The following NELL2 variants were observed in gnomAD, a reference collection of about 807,000 sequenced individuals.
The protein encoded by NELL2 is neural EGFL like 2.
A neutral mutation model predicts 109.6 loss-of-function variants in NELL2; 41 were observed. The observed-to-expected ratio is 0.37, with a 90% CI of 0.29 to 0.49. NELL2 has a LOEUF of 0.49. Among genes scored for constraint, NELL2 ranks in the 20% least tolerant of loss-of-function variants. The probability of loss-of-function intolerance (pLI) is 0.98; values close to 1 mark genes in which losing one functional copy is unlikely to be tolerated. For synonymous variants in NELL2, 355 were observed against 344.7 expected (o/e 1.03, Z -0.33); for missense variants, 900 against 1,008.3 (o/e 0.89, Z 1.45).
intron 13 of NELL2, among the ~76,000 whole-genome samples, chr12:44,632,475 C>T (rs1430735402): frequency 6.6e-6 from 1 of 152,070 alleles, no homozygotes; most frequent in Non-Finnish European, 1.5e-5. Context: ...AATTCCAATG[C>T]TTTATGCTCC....
chr12:44,604,252 G>C (rs537954107), intron 15 of NELL2, among the ~76,000 whole-genome samples: 1 of 152,102 alleles, frequency 6.6e-6, no homozygotes, highest in East Asian at 1.9e-4. Flanking sequence ...GAAAGGGAGG[G>C]AAGCAAGGAA....
At chr12:44,825,124 G>C (rs1007966241) in intron 2 of NELL2, among the ~76,000 whole-genome samples, 5 of 152,054 alleles carry the variant, frequency 3.3e-5, no homozygotes, top group African/African-American at 4.8e-5. Flanking sequence ...TTTTAGGATT[G>C]TTTCTTCTAT....
At chr12:44,764,388 C>A (rs1431353952) in intron 9 of NELL2, among the ~76,000 whole-genome samples, 1 of 152,174 alleles carries the variant, frequency 6.6e-6, no homozygotes, top group African/African-American at 2.4e-5. Flanking sequence ...AATAGGCATA[C>A]ACATTTCATT....
At chr12:44,592,955 C>T (rs953531071) in intron 15 of NELL2, among the ~76,000 whole-genome samples, 3 of 152,068 alleles carry the variant, frequency 2.0e-5, no homozygotes, top group African/African-American at 7.2e-5. Context: ...CTCTTTGGTC[C>T]TCCTCCATTT....
At chr12:44,790,005 G>A (rs1301033436) in intron 3 of NELL2, among the ~76,000 whole-genome samples, 2 of 152,056 alleles carry the variant, frequency 1.3e-5, no homozygotes, top group African/African-American at 4.8e-5. Flanking sequence ...AAGAATAGTT[G>A]GTGTTCTTGA....
chr12:44,831,232 C>T (rs551220477), intron 2 of NELL2, among the ~76,000 whole-genome samples: 7 of 152,174 alleles, frequency 4.6e-5, no homozygotes, highest in African/African-American at 1.2e-4. Flanking sequence ...TAATCTCTAG[C>T]GCTAATTTAA....
intron 3 of NELL2, among the ~76,000 whole-genome samples, chr12:44,809,860 T>C (rs1456931675): frequency 6.6e-6 from 1 of 152,020 alleles, no homozygotes; most frequent in South Asian, 2.1e-4. Flanking sequence ...CATTAATCCA[T>C]ATGTCCAAAC....
chr12:44,712,865 G>A (rs1253192014), intron 10 of NELL2, among the ~76,000 whole-genome samples: 1 of 151,666 alleles, frequency 6.6e-6, no homozygotes, highest in Non-Finnish European at 1.5e-5. Context: ...GATATATCGG[G>A]GAAAACAGAA....
chr12:44,662,001 A>G (rs7139205), intron 13 of NELL2, among the ~76,000 whole-genome samples: 3,119 of 152,090 alleles, frequency 0.021, 102 homozygotes, highest in African/African-American at 0.071. Context: ...TTTTTTCTAT[A>G]GGAACACGAA....
intron 12 of NELL2, among the ~76,000 whole-genome samples, chr12:44,693,245 C>A (rs145542125): frequency 6.6e-6 from 1 of 152,114 alleles, no homozygotes; most frequent in Non-Finnish European, 1.5e-5. Flanking sequence ...AAGGCTCGGA[C>A]GATTGTTAGC....
intron 9 of NELL2, among the ~76,000 whole-genome samples, chr12:44,768,323 T>A (rs577500735): frequency 6.6e-4 from 100 of 150,574 alleles, no homozygotes; most frequent in African/African-American, 2.2e-3. Flanking sequence ...GTTTTTTTTT[T>A]AATTAAGATA....
chr12:44,628,782 C>T (rs904735506), intron 13 of NELL2, among the ~76,000 whole-genome samples: 5 of 152,128 alleles, frequency 3.3e-5, no homozygotes, highest in Admixed American at 6.6e-5. Flanking sequence ...GGGGATGACC[C>T]GGGTGACTAG....
At chr12:44,892,232 G>A (rs991972506) in intron 1 of NELL2, among the ~76,000 whole-genome samples, 1 of 152,190 alleles carries the variant, frequency 6.6e-6, no homozygotes, top group Non-Finnish European at 1.5e-5. Flanking sequence ...GGGATGACTT[G>A]AGTAGAGGTA....
chr12:44,736,582 A>G (rs1939666939), intron 9 of NELL2, among the ~76,000 whole-genome samples: 1 of 152,162 alleles, frequency 6.6e-6, no homozygotes, highest in African/African-American at 2.4e-5. Flanking sequence ...TAATGAAGCC[A>G]GGCTTTGCTA....
intron 15 of NELL2, among the ~76,000 whole-genome samples, chr12:44,606,644 G>C (rs1385510650): frequency 6.6e-6 from 1 of 151,998 alleles, no homozygotes; most frequent in African/African-American, 2.4e-5. Context: ...ACGTCCATCA[G>C]AAAGAGTAAG....
intron 9 of NELL2, among the ~76,000 whole-genome samples, chr12:44,753,094 C>G (rs1171949775): frequency 6.6e-6 from 1 of 152,144 alleles, no homozygotes; most frequent in Non-Finnish European, 1.5e-5. Context: ...CTTGAACTTA[C>G]TGTCCTCCAA....
chr12:44,600,309 G>A (rs1945171180), intron 15 of NELL2, among the ~76,000 whole-genome samples: 1 of 151,304 alleles, frequency 6.6e-6, no homozygotes, highest in Non-Finnish European at 1.5e-5. Context: ...GCGCCCGGCC[G>A]GAAAACCTAG....
intron 3 of NELL2, among the ~76,000 whole-genome samples, chr12:44,800,582 T>C (rs911219819): frequency 2.0e-5 from 3 of 152,194 alleles, no homozygotes; most frequent in Non-Finnish European, 4.4e-5. Flanking sequence ...TTTACGGATA[T>C]GTCCATCTGG....
intron 1 of NELL2, among the ~76,000 whole-genome samples, chr12:44,896,886 G>A (rs1482434925): frequency 6.6e-6 from 1 of 152,226 alleles, no homozygotes; most frequent in Admixed American, 6.5e-5. Context: ...GGCAAGAGAA[G>A]CCCTCAGCTG....
Sources: gnomAD v4.1 joint callset for allele counts (sites outside exome capture counted in the v4.1 genomes callset) on GRCh38, gnomAD v4.1.1 for gene constraint, MANE v1.5 for transcripts, NCBI Gene and HGNC (gene_info 2026-07-23, HGNC 2026-07-21) for gene names.